The following GPR19 variants were observed in gnomAD, a reference collection of about 807,000 sequenced individuals.
GPR19 encodes the protein probable G protein-coupled receptor 19.
Under a neutral mutation model 28.5 loss-of-function variants are expected in GPR19, and 14 were observed. That is an observed-to-expected ratio of 0.49 (90% confidence interval 0.32 to 0.77). The LOEUF is 0.77. Among genes scored for constraint, GPR19 ranks in the 30% least tolerant of loss-of-function variants. The pLI is 0.03. For synonymous variants in GPR19, 173 were observed against 184.1 expected (o/e 0.94, Z 0.49); for missense variants, 409 against 504.1 (o/e 0.81, Z 1.81).
the GPR19 span, among the ~76,000 whole-genome samples, chr12:12,713,396 C>T: frequency 3.3e-5 from 5 of 152,242 alleles, no homozygotes; most frequent in African/African-American, 7.2e-5. Context: ...CCACTTGCTC[C>T]GCCCTATCCA....
chr12:12,703,950 A>G, the GPR19 span, among the ~76,000 whole-genome samples: 1 of 152,198 alleles, frequency 6.6e-6, no homozygotes, highest in Non-Finnish European at 1.5e-5. Flanking sequence ...GGATACAAAA[A>G]AGATTAAAGA....
intron 3 of GPR19, among the ~76,000 whole-genome samples, chr12:12,677,331 T>C (rs6488542): frequency 0.95 from 143,855 of 152,128 alleles, 68,529 homozygotes; most frequent in Non-Finnish European, 1. Context: ...CTCAGCCTCC[T>C]GAATAGCTGG....
intron 3 of GPR19, among the ~76,000 whole-genome samples, chr12:12,667,969 AG>A (rs1242453503): frequency 6.6e-6 from 1 of 152,222 alleles, no homozygotes; most frequent in African/African-American, 2.4e-5. Flanking sequence ...AAGGCAAAAA[AG>A]GACATATACT....
chr12:12,697,703 C>T (rs1946287030), upstream of GPR19, among the ~76,000 whole-genome samples: 1 of 152,190 alleles, frequency 6.6e-6, no homozygotes, highest in South Asian at 2.1e-4. Context: ...ATTTTGAAAG[C>T]TTTGCATGTG....
chr12:12,706,942 T>G, the GPR19 span, among the ~76,000 whole-genome samples: 2 of 152,202 alleles, frequency 1.3e-5, no homozygotes, highest in Non-Finnish European at 2.9e-5. Flanking sequence ...TTACCCGAAG[T>G]CAGGTAAAAA....
intron 3 of GPR19, among the ~76,000 whole-genome samples, chr12:12,679,428 C>CAAAAAA (rs3080711): frequency 8.1e-6 from 1 of 124,008 alleles, no homozygotes; most frequent in African/African-American, 3.1e-5. Context: ...CTGTCTCTAT[C>CAAAAAA]AAAAAAAAAA....
At chr12:12,701,919 CAAAA>C in the GPR19 span, among the ~76,000 whole-genome samples, 13 of 96,092 alleles carry the variant, frequency 1.4e-4, no homozygotes, top group East Asian at 3.0e-4. Context: ...GACCCTGTCT[CAAAA>C]AAAAAAAAAA....
chr12:12,693,237 G>A (rs1228806749), intron 2 of GPR19, among the ~76,000 whole-genome samples: 1 of 152,102 alleles, frequency 6.6e-6, no homozygotes, highest in Non-Finnish European at 1.5e-5. Context: ...CCACTTGTGT[G>A]GTCAGAGCTG....
intron 3 of GPR19, among the ~76,000 whole-genome samples, chr12:12,676,060 G>A (rs1945925908): frequency 6.6e-6 from 1 of 152,148 alleles, no homozygotes; most frequent in South Asian, 2.1e-4. Context: ...ATTCATACCA[G>A]TCATTCTATC....
chr12:12,702,795 C>T, the GPR19 span, among the ~76,000 whole-genome samples: 1 of 152,172 alleles, frequency 6.6e-6, no homozygotes, highest in South Asian at 2.1e-4. Flanking sequence ...CCTCTAATTA[C>T]ACTATTCTAC....
At chr12:12,678,160 A>G (rs1945962578) in intron 3 of GPR19, among the ~76,000 whole-genome samples, 1 of 151,334 alleles carries the variant, frequency 6.6e-6, no homozygotes, top group African/African-American at 2.4e-5. Context: ...ATGTGTTCAT[A>G]TGTGTGATAT....
the GPR19 span, among the ~76,000 whole-genome samples, chr12:12,710,879 T>C: frequency 6.6e-6 from 1 of 152,318 alleles, no homozygotes. Flanking sequence ...TTTCATTCTT[T>C]CTTTTCCCTG....
In GPR19 at chr12:12,675,219, C is replaced by T. The variant is rs771573903; in HGVS notation, c.-23+9132G>A. Among the ~76,000 whole-genome samples the T allele has an allele frequency of 9.6e-4, 146 of 152,026 alleles. 1 individual carries two copies. The highest frequency in any genetic ancestry group is 9.2e-4 in the Admixed American group (14 of 15,262). On this transcript the variant is annotated intron_variant, in intron 3 of 3. Coordinates refer to ENST00000651487, the MANE Select transcript of GPR19 (RefSeq NM_006143.3). The stretch of plus-strand genomic sequence containing the variant: ...ATAGACAAAAGAACCTAAATCATCA[C>T]GTGGGGAGCAGGTTAGAGAGAAAGA...
At chr12:12,668,263 G>C (rs1324105457) in intron 3 of GPR19, among the ~76,000 whole-genome samples, 3 of 152,032 alleles carry the variant, frequency 2.0e-5, no homozygotes, top group Admixed American at 2.0e-4. Context: ...CTTGGAACCA[G>C]CTTTATTATA....
At chr12:12,670,938 G>A (rs1460784079) in intron 3 of GPR19, among the ~76,000 whole-genome samples, 1 of 152,040 alleles carries the variant, frequency 6.6e-6, no homozygotes, top group Admixed American at 6.6e-5. Flanking sequence ...ACTTTTTAAG[G>A]TATCCTACAT....
rs73279483 is a variant in GPR19, at chr12:12,661,285, C to T, written c.1164G>A (p.Ser388=). Residue 388 remains serine (S), a synonymous_variant, in exon 4 of 4, where the codon TCG becomes TCA. Coordinates refer to ENST00000651487, the MANE Select transcript of GPR19 (RefSeq NM_006143.3). The surrounding 1 kb of genome is among the most constrained non-coding windows in gnomAD (Gnocchi z 4.2). Reference sequence around the variant, plus strand: ...CTTCTCTGTCAAATGAGTCATAGATCGAGTCTTTGGTAATAGTTTTGGCCA... The same window carrying T: ...CTTCTCTGTCAAATGAGTCATAGATTGAGTCTTTGGTAATAGTTTTGGCCA... ...PSMAKTITKD[S]IYDSFDREAK... is the part of the protein sequence containing the mutation. The T allele has an allele frequency of 9.5e-4, 1,537 of 1,613,500 alleles. 10 individuals carry two copies. The African/African-American group carries it at 0.018, about 19-fold the overall frequency.
intron 2 of GPR19, among the ~76,000 whole-genome samples, chr12:12,694,603 A>C (rs1450627767): frequency 6.6e-6 from 1 of 152,072 alleles, no homozygotes; most frequent in East Asian, 1.9e-4. Context: ...ACTTTACACT[A>C]AGTTCTATGC....
chr12:12,667,568 G>A (rs1945801275), intron 3 of GPR19, among the ~76,000 whole-genome samples: 1 of 152,080 alleles, frequency 6.6e-6, no homozygotes, highest in African/African-American at 2.4e-5. Context: ...GCATGTGCCT[G>A]TAGTCCCAGC....
chr12:12,686,451 A>C (rs1400626881), intron 2 of GPR19, among the ~76,000 whole-genome samples: 1 of 152,220 alleles, frequency 6.6e-6, no homozygotes, highest in African/African-American at 2.4e-5. Context: ...CAGGTTGGTG[A>C]CTTGGATATC....
Sources: allele counts gnomAD v4.1 joint callset (sites outside exome capture counted in the v4.1 genomes callset), GRCh38; gene constraint gnomAD v4.1.1; non-coding constraint Gnocchi (gnomAD v3.1); transcripts MANE v1.5; gene names NCBI Gene and HGNC (gene_info 2026-07-23, HGNC 2026-07-21).